IL1RAPL1: variants seen among roughly 807,000 people sequenced by gnomAD.
IL1RAPL1 encodes the protein interleukin 1 receptor accessory protein like 1, also known as interleukin-1 receptor accessory protein-like 1.
A neutral mutation model predicts 48.4 loss-of-function variants in IL1RAPL1; 3 were observed. That is an observed-to-expected ratio of 0.06 (90% confidence interval 0.03 to 0.16). The LOEUF is 0.16. IL1RAPL1 is among the 10% of genes least tolerant of loss of function. The pLI is 1.00. For synonymous variants in IL1RAPL1, 185 were observed against 187.7 expected, an observed-to-expected ratio of 0.99 and a Z score of 0.12; for missense variants, 349 against 530.6, an observed-to-expected ratio of 0.66 and a Z score of 3.36.
Position 28,890,546 on chromosome X carries a change from G to GT in IL1RAPL1, c.82+101128dup, listed in dbSNP as rs1158360194. Among the ~76,000 whole-genome samples the GT allele has an allele frequency of 8.1e-5, 9 of 111,162 alleles. 1 individual carries two copies. The highest frequency in any genetic ancestry group is 1.7e-4 in the Non-Finnish European group (9 of 52,799). Reference sequence around the variant, plus strand: ...TTATTTTTCTATTGGAAAAACTTTTGTTTTTTTCTCACTATACAAATAAGT... The same window carrying GT: ...TTATTTTTCTATTGGAAAAACTTTTGTTTTTTTTCTCACTATACAAATAAGT... On this transcript the variant is annotated intron_variant, in intron 2 of 10. Coordinates refer to ENST00000378993, the MANE Select transcript of IL1RAPL1 (RefSeq NM_014271.4).
intron 3 of IL1RAPL1, among the ~76,000 whole-genome samples, chrX:29,326,616 A>G (rs1205968615): frequency 8.9e-6 from 1 of 112,465 alleles, no homozygotes; most frequent in East Asian, 2.8e-4. Flanking sequence ...AGAGATAATC[A>G]TTTAATTTAT....
intron 2 of IL1RAPL1, among the ~76,000 whole-genome samples, chrX:28,982,090 G>T (rs1387902172): frequency 8.9e-6 from 1 of 111,775 alleles, no homozygotes; most frequent in Non-Finnish European, 1.9e-5. Context: ...TTATTCTCCA[G>T]AACTGATCAG....
At chrX:29,661,349 G>A in intron 5 of IL1RAPL1, among the ~76,000 whole-genome samples, 1 of 112,335 alleles carries the variant, frequency 8.9e-6, no homozygotes, top group Non-Finnish European at 1.9e-5. Context: ...AAGACTTGCA[G>A]TACTATGTTG....
chrX:29,285,866 G>A (rs190238466), intron 3 of IL1RAPL1, among the ~76,000 whole-genome samples: 95 of 111,599 alleles, frequency 8.5e-4, no homozygotes, highest in African/African-American at 2.9e-3. Flanking sequence ...GCTTGGTGTT[G>A]ACGTGAGAGG....
intron 3 of IL1RAPL1, among the ~76,000 whole-genome samples, chrX:29,386,092 C>T (rs1011074295): frequency 4.5e-5 from 5 of 111,907 alleles, no homozygotes; most frequent in Non-Finnish European, 9.4e-5. Context: ...TACAGTAGCA[C>T]GATCTCAGCT....
chrX:29,230,738 A>G (rs1168028604), intron 2 of IL1RAPL1, among the ~76,000 whole-genome samples: 5 of 110,273 alleles, frequency 4.5e-5, no homozygotes, highest in Non-Finnish European at 9.5e-5. Flanking sequence ...AATTGTTAAT[A>G]AGAAGTGACC....
At chrX:28,647,702 T>C (rs1207425205) in intron 1 of IL1RAPL1, among the ~76,000 whole-genome samples, 1 of 111,876 alleles carries the variant, frequency 8.9e-6, no homozygotes, top group Non-Finnish European at 1.9e-5. Context: ...TGGATTTGGA[T>C]TGGTGGGTAC....
intron 1 of IL1RAPL1, among the ~76,000 whole-genome samples, chrX:28,692,949 C>CA (rs1458275156): frequency 9.0e-6 from 1 of 111,596 alleles, no homozygotes. Flanking sequence ...TGTAGGTATA[C>CA]AATGTGGAAT....
At chrX:29,017,772 T>C (rs1254752832) in intron 2 of IL1RAPL1, among the ~76,000 whole-genome samples, 1 of 112,040 alleles carries the variant, frequency 8.9e-6, no homozygotes, top group African/African-American at 3.2e-5. Context: ...TTTGGAGTTT[T>C]TCTGACATAA....
intron 2 of IL1RAPL1, among the ~76,000 whole-genome samples, chrX:28,911,428 G>T (rs1244917968): frequency 4.5e-5 from 5 of 110,845 alleles, no homozygotes; most frequent in African/African-American, 1.6e-4. Context: ...GAGGGGCGGT[G>T]TGTCCTACAT....
chrX:28,944,369 G>A (rs974724209), intron 2 of IL1RAPL1, among the ~76,000 whole-genome samples: 9 of 110,301 alleles, frequency 8.2e-5, no homozygotes, highest in Non-Finnish European at 1.1e-4. Context: ...AAAATCGCAC[G>A]TTACTTGCTC....
chrX:29,332,650 TTTA>T (rs1452389270), intron 3 of IL1RAPL1, among the ~76,000 whole-genome samples: 158 of 83,880 alleles, frequency 1.9e-3, no homozygotes, highest in Non-Finnish European at 2.4e-3. Context: ...ATTTATTTAT[TTTA>T]TTTTTTTTTT....
At chrX:28,870,095 TCCATATTATG>T (rs1424632386) in intron 2 of IL1RAPL1, among the ~76,000 whole-genome samples, 3 of 111,863 alleles carry the variant, frequency 2.7e-5, no homozygotes, top group African/African-American at 6.5e-5. Flanking sequence ...TGTTTTATTA[TCCATATTATG>T]CCATATTATG....
At chrX:28,976,569 G>A (rs756668206) in intron 2 of IL1RAPL1, among the ~76,000 whole-genome samples, 1 of 111,746 alleles carries the variant, frequency 8.9e-6, no homozygotes, top group Non-Finnish European at 1.9e-5. Context: ...AGTCATCAAA[G>A]TGAAGTTTCC....
At position 28,732,180 on chromosome X, in the gene IL1RAPL1, C is replaced by T. The variant is rs1935763298; in HGVS notation, c.-24-57140C>T. On this transcript the variant is annotated intron_variant, in intron 1 of 10. Transcript: ENST00000378993. The stretch of plus-strand genomic sequence containing the variant: ...TTCGTCTGAGAGGAAGTTGTTTTGA[C>T]TAAACAAGAAGTTGTAATTATACCA... 2.7e-5 allele frequency among the ~76,000 whole-genome samples: 3 copies of T among 112,269 alleles called. No homozygotes were observed. The South Asian group carries it at 1.1e-3, about 41-fold the overall frequency.
intron 5 of IL1RAPL1, among the ~76,000 whole-genome samples, chrX:29,638,056 A>G (rs1036972172): frequency 8.9e-6 from 1 of 111,777 alleles, no homozygotes; most frequent in African/African-American, 3.3e-5. Flanking sequence ...GATACACCAG[A>G]CAATCTAATT....
chrX:29,756,706 C>T lies in IL1RAPL1; in HGVS notation c.778+88202C>T, dbSNP rs1429654544. Among the ~76,000 whole-genome samples, 3 of 112,130 alleles carry T rather than the reference C, an allele frequency of 2.7e-5. No individual in the cohort carries two copies. In the Admixed American group the frequency reaches 2.8e-4, roughly 11 times the overall value. On this transcript the variant is annotated intron_variant, in intron 6 of 10. Transcript: ENST00000378993. ...GGGATTACAGGCATGAGCCACCATG[C>T]CCGGTCGCATATATCACTTTTATAA...
chrX:29,555,730 G>A (rs1303496286), intron 5 of IL1RAPL1, among the ~76,000 whole-genome samples: 3 of 111,908 alleles, frequency 2.7e-5, no homozygotes, highest in Non-Finnish European at 5.6e-5. Context: ...AACTTGACAC[G>A]TAATTTGTAT....
At chrX:28,728,680 A>G (rs1601876865) in intron 1 of IL1RAPL1, among the ~76,000 whole-genome samples, 1 of 111,934 alleles carries the variant, frequency 8.9e-6, no homozygotes, top group Non-Finnish European at 1.9e-5. Context: ...CAGCATCTTT[A>G]CTAATGTTTA....
Sources: allele counts gnomAD v4.1 joint callset (sites outside exome capture counted in the v4.1 genomes callset), GRCh38; gene constraint gnomAD v4.1.1; transcripts MANE v1.5; gene names NCBI Gene and HGNC (gene_info 2026-07-23, HGNC 2026-07-21).